The following MAP4 variants were observed in gnomAD, a reference collection of about 807,000 sequenced individuals.
MAP4 encodes microtubule associated protein 4, also known as microtubule-associated protein 4.
A neutral mutation model predicts 170.2 loss-of-function variants in MAP4; 76 were observed. The observed-to-expected ratio is 0.45, with a 90% CI of 0.37 to 0.54. MAP4 has a LOEUF of 0.54. Ranked by LOEUF, MAP4 falls within the 20% of genes least tolerant of loss-of-function variation. MAP4 has a pLI of 0.00. For synonymous variants in MAP4, 909 were observed against 994.5 expected (o/e 0.91, Z 1.62); for missense variants, 2,506 against 2,748.0 (o/e 0.91, Z 1.97).
chr3:47,963,531 T>C (rs945903094), intron 3 of MAP4, among the ~76,000 whole-genome samples: 2 of 152,216 alleles, frequency 1.3e-5, no homozygotes, highest in Non-Finnish European at 2.9e-5. Flanking sequence ...AGATAACATA[T>C]TTCCAGAAAG....
chr3:47,992,454 C>G (rs1393163892), intron 2 of MAP4, among the ~76,000 whole-genome samples: 1 of 151,968 alleles, frequency 6.6e-6, no homozygotes, highest in Non-Finnish European at 1.5e-5. Flanking sequence ...GAGACGGGGT[C>G]TCTCTCTGTC....
chr3:47,987,267 A>G (rs1205844848), intron 2 of MAP4: 1 of 697,378 alleles, frequency 1.4e-6, no homozygotes, highest in Non-Finnish European at 2.1e-6. Context: ...GGCAGTAAAC[A>G]AAATATTATT....
At chr3:47,947,823 A>G (rs1426586357) in intron 3 of MAP4, among the ~76,000 whole-genome samples, 1 of 151,602 alleles carries the variant, frequency 6.6e-6, no homozygotes, top group Non-Finnish European at 1.5e-5. Flanking sequence ...AAAAAAAGAA[A>G]AGAAAAAAGA....
intron 3 of MAP4, among the ~76,000 whole-genome samples, chr3:47,935,153 A>G (rs1189068838): frequency 2.0e-5 from 3 of 152,256 alleles, no homozygotes; most frequent in African/African-American, 7.2e-5. Flanking sequence ...AGTGTCTACA[A>G]TGCAGTAAGT....
intron 10 of MAP4, chr3:47,891,753 A>G (rs1243571622): frequency 2.6e-6 from 4 of 1,536,538 alleles, no homozygotes; most frequent in Non-Finnish European, 3.5e-6. Flanking sequence ...GTGGTGGGTG[A>G]ATGCTCAATA....
chr3:47,974,066 G>A, intron 3 of MAP4: 1 of 985,254 alleles, frequency 1.0e-6, no homozygotes, highest in Non-Finnish European at 1.2e-6. Flanking sequence ...CAAGGATTCA[G>A]TTTAAACTTT....
chr3:48,070,194 C>T (rs2100140274), intron 1 of MAP4, among the ~76,000 whole-genome samples: 1 of 150,954 alleles, frequency 6.6e-6, no homozygotes, highest in African/African-American at 2.4e-5. Context: ...CCAGGATAGT[C>T]TCTTTTTTCT....
intron 1 of MAP4, among the ~76,000 whole-genome samples, chr3:48,056,113 G>C (rs2100131185): frequency 1.0e-4 from 10 of 100,436 alleles, no homozygotes; most frequent in African/African-American, 3.1e-4. Context: ...GGAGGGAGGT[G>C]GGGGGGGGTC....
intron 1 of MAP4, among the ~76,000 whole-genome samples, chr3:48,038,787 CTA>C (rs2100120148): frequency 1.3e-5 from 2 of 152,098 alleles, no homozygotes; most frequent in Admixed American, 1.3e-4. Context: ...CCATTATCTT[CTA>C]GTGTTGTTTT....
At chr3:48,026,518 T>C (rs560322617) in intron 1 of MAP4, among the ~76,000 whole-genome samples, 1 of 152,348 alleles carries the variant, frequency 6.6e-6, no homozygotes, top group Admixed American at 6.5e-5. Context: ...GTCAAGTGAA[T>C]ATATGGTTAG....
chr3:48,025,911 A>G (rs991820315), intron 1 of MAP4, among the ~76,000 whole-genome samples: 1 of 146,936 alleles, frequency 6.8e-6, no homozygotes, highest in African/African-American at 2.5e-5. Flanking sequence ...AAAAATAATA[A>G]TAATAATAAT....
At chr3:48,054,749 A>G (rs1382376980) in intron 1 of MAP4, among the ~76,000 whole-genome samples, 1 of 151,522 alleles carries the variant, frequency 6.6e-6, no homozygotes, top group Non-Finnish European at 1.5e-5. Context: ...CAGAGGTTGC[A>G]GTGAGCCAAG....
At chr3:47,993,488 T>C (rs895680564) in intron 2 of MAP4, among the ~76,000 whole-genome samples, 2 of 152,326 alleles carry the variant, frequency 1.3e-5, no homozygotes, top group South Asian at 4.1e-4. Context: ...ACATCTCAAT[T>C]GGTTCAGTTT....
chr3:48,074,726 G>GTGTGAT (rs1003251844), intron 1 of MAP4, among the ~76,000 whole-genome samples: 21 of 147,658 alleles, frequency 1.4e-4, no homozygotes, highest in African/African-American at 5.0e-4. Context: ...GTGTGTGTGT[G>GTGTGAT]ATATGTCGGC....
chr3:48,062,506 A>C (rs1359474747), intron 1 of MAP4, among the ~76,000 whole-genome samples: 4 of 150,374 alleles, frequency 2.7e-5, no homozygotes, highest in Admixed American at 6.6e-5. Context: ...AAAAAAAAAA[A>C]AAAAAAAAAA....
chr3:47,900,462 G>A (rs772807662), intron 10 of MAP4, among the ~76,000 whole-genome samples: 1 of 152,106 alleles, frequency 6.6e-6, no homozygotes, highest in Admixed American at 6.6e-5. Context: ...TCTAAAGGCC[G>A]GGCATGGTAG....
intron 10 of MAP4, chr3:47,892,382 G>C (rs2100024467): frequency 6.5e-7 from 1 of 1,536,038 alleles, no homozygotes; most frequent in Admixed American, 2.0e-5. Context: ...TTCGAATCCG[G>C]CTTGACTGAT....
intron 3 of MAP4, among the ~76,000 whole-genome samples, chr3:47,944,949 CT>C (rs35189919): frequency 0.017 from 2,222 of 127,050 alleles, 30 homozygotes; most frequent in African/African-American, 0.04. Context: ...AAAAAGGAAC[CT>C]TTTTTTTTTT....
chr3:48,010,672 G>A (rs995116955), intron 1 of MAP4, among the ~76,000 whole-genome samples: 9 of 152,112 alleles, frequency 5.9e-5, no homozygotes, highest in Non-Finnish European at 7.4e-5. Flanking sequence ...ATTGATCCTG[G>A]GTGTATCTGT....
Sources: gnomAD v4.1 joint callset for allele counts (sites outside exome capture counted in the v4.1 genomes callset) on GRCh38, gnomAD v4.1.1 for gene constraint, MANE v1.5 for transcripts, NCBI Gene and HGNC (gene_info 2026-07-23, HGNC 2026-07-21) for gene names.